TAB2: variants seen among roughly 807,000 people sequenced by gnomAD.
The protein encoded by TAB2 is TGF-beta-activated kinase 1 and MAP3K7-binding protein 2.
A neutral mutation model predicts 65.0 loss-of-function variants in TAB2; 3 were observed. That is an observed-to-expected ratio of 0.05 (90% CI 0.02 to 0.12). The LOEUF (loss-of-function observed/expected upper bound fraction) is 0.12, where lower values mean the gene tolerates loss of function less well. TAB2 is among the 10% of genes least tolerant of loss of function. The pLI, the probability that TAB2 is intolerant of heterozygous loss-of-function variation, is 1.00. For synonymous variants in TAB2, 298 were observed against 285.1 expected (o/e 1.05, Z -0.46); for missense variants, 623 against 840.3 (o/e 0.74, Z 3.20).
At chr6:149,324,857 C>T (rs548144199) in intron 1 of TAB2, among the ~76,000 whole-genome samples, 3 of 137,008 alleles carry the variant, frequency 2.2e-5, no homozygotes, top group Non-Finnish European at 1.5e-5. Context: ...AGTGCAGTGA[C>T]ACAATCATAG....
intron 1 of TAB2, among the ~76,000 whole-genome samples, chr6:149,356,162 G>T (rs1008025517): frequency 3.3e-5 from 5 of 152,024 alleles, no homozygotes; most frequent in Non-Finnish European, 5.9e-5. Flanking sequence ...CTAACTAAAG[G>T]TAATGGTAGT....
At chr6:149,219,306 T>TTGTGTGTGTGTGTGTGTG (rs3064238) in intron 1 of TAB2, among the ~76,000 whole-genome samples, 1 of 146,112 alleles carries the variant, frequency 6.8e-6, no homozygotes, top group African/African-American at 2.5e-5. Flanking sequence ...ATTTTAACAT[T>TTGTGTGTGTGTGTGTGTG]TGTGTGTGTG....
At chr6:149,351,323 G>A (rs1226870295) in intron 1 of TAB2, among the ~76,000 whole-genome samples, 2 of 152,094 alleles carry the variant, frequency 1.3e-5, no homozygotes, top group East Asian at 1.9e-4. Context: ...CTGCAACCAG[G>A]GTAATATGCA....
chr6:149,375,922 C>T (rs1365568082), intron 2 of TAB2, among the ~76,000 whole-genome samples: 4 of 152,046 alleles, frequency 2.6e-5, no homozygotes, highest in Non-Finnish European at 4.4e-5. Context: ...TTTATATTAC[C>T]TGTTGAAACA....
Position 149,403,265 on chromosome 6 carries a change from TATATATATATATATATATAC to T in TAB2, c.1939+4083_1939+4102del, listed in dbSNP as rs1782518570. 2.4e-4 allele frequency among the ~76,000 whole-genome samples: 11 copies of T among 45,014 alleles called. 1 individual carries two copies. Among genetic ancestry groups the T allele is most frequent in the African/African-American group, 1.3e-3 (10 of 7,494 alleles). The allele number at this position is 45,014 out of a possible 152,430, so 29.5% of individuals were successfully genotyped here. On this transcript the variant is annotated intron_variant, in intron 6 of 6. Coordinates refer to ENST00000637181, the MANE Select transcript of TAB2 (RefSeq NM_001292034.3). ...AAAAAAAAATATATATATATATATA[TATATATATATATATATATAC>T]ACACACACACATATATATATATATA...
chr6:149,236,990 C>T (rs970567821), intron 1 of TAB2, among the ~76,000 whole-genome samples: 1 of 152,148 alleles, frequency 6.6e-6, no homozygotes, highest in African/African-American at 2.4e-5. Context: ...TTTATCTTCC[C>T]AACTCTCTTT....
chr6:149,379,644 A>G, intron 3 of TAB2, 126 bp downstream of exon 3: 1 of 858,730 alleles, frequency 1.2e-6, no homozygotes, highest in Non-Finnish European at 1.9e-6. Flanking sequence ...AAATGATGTT[A>G]TTGTAACATT....
At chr6:149,408,065 G>C (rs1782726859) in intron 6 of TAB2, among the ~76,000 whole-genome samples, 1 of 152,138 alleles carries the variant, frequency 6.6e-6, no homozygotes, top group African/African-American at 2.4e-5. Context: ...CAAAATTTTA[G>C]TAAGTAGGAT....
chr6:149,294,318 A>ATGGTC (rs1396816410), intron 1 of TAB2, among the ~76,000 whole-genome samples: 2 of 152,154 alleles, frequency 1.3e-5, no homozygotes, highest in African/African-American at 4.8e-5. Flanking sequence ...GTATCTTCAC[A>ATGGTC]TGGTCTTCCC....
intron 1 of TAB2, among the ~76,000 whole-genome samples, chr6:149,236,001 A>C (rs1388602603): frequency 6.6e-6 from 1 of 152,256 alleles, no homozygotes; most frequent in Admixed American, 6.5e-5. Flanking sequence ...CCAAAAAGTG[A>C]AAAATGACCA....
At chr6:149,320,455 T>C (rs1459849214) in intron 1 of TAB2, among the ~76,000 whole-genome samples, 1 of 152,242 alleles carries the variant, frequency 6.6e-6, no homozygotes, top group African/African-American at 2.4e-5. Flanking sequence ...AAATGTCTTA[T>C]TACATTTGTG....
intron 1 of TAB2, among the ~76,000 whole-genome samples, chr6:149,273,378 A>T (rs1247600336): frequency 6.6e-6 from 1 of 152,184 alleles, no homozygotes; most frequent in East Asian, 1.9e-4. Flanking sequence ...GGCATGGAAC[A>T]AACATTTCAG....
At chr6:149,275,315 A>T (rs892119965) in intron 1 of TAB2, among the ~76,000 whole-genome samples, 1 of 151,976 alleles carries the variant, frequency 6.6e-6, no homozygotes, top group African/African-American at 2.4e-5. Context: ...AAAAGAAAAG[A>T]GCACAATTAT....
chr6:149,264,002 C>T (rs542505146), intron 1 of TAB2, among the ~76,000 whole-genome samples: 6 of 152,184 alleles, frequency 3.9e-5, no homozygotes, highest in African/African-American at 9.7e-5. Context: ...CAAGTGAATG[C>T]GTCTCAGTTT....
chr6:149,331,226 T>C (rs1248257436), intron 1 of TAB2, among the ~76,000 whole-genome samples: 1 of 152,154 alleles, frequency 6.6e-6, no homozygotes, highest in Non-Finnish European at 1.5e-5. Flanking sequence ...TTAATTCTTT[T>C]ATTTCTTTTG....
intron 1 of TAB2, among the ~76,000 whole-genome samples, chr6:149,359,839 A>T (rs1284180649): frequency 6.6e-6 from 1 of 152,208 alleles, no homozygotes; most frequent in Non-Finnish European, 1.5e-5. Context: ...GGTTTTTCAT[A>T]ACAGAAGAGG....
At chr6:149,251,713 T>A (rs974622567) in intron 1 of TAB2, among the ~76,000 whole-genome samples, 1 of 152,138 alleles carries the variant, frequency 6.6e-6, no homozygotes, top group Admixed American at 6.5e-5. Context: ...CCTATACTCA[T>A]CTCATTTATA....
intron 3 of TAB2, among the ~76,000 whole-genome samples, chr6:149,392,995 A>G (rs767310224): frequency 1.3e-5 from 2 of 152,156 alleles, no homozygotes; most frequent in Non-Finnish European, 2.9e-5. Context: ...AGCGATTTTT[A>G]GAAATTCACT....
intron 2 of TAB2, among the ~76,000 whole-genome samples, chr6:149,375,584 G>A (rs1278856021): frequency 6.6e-6 from 1 of 152,084 alleles, no homozygotes; most frequent in Admixed American, 6.5e-5. Flanking sequence ...GATTTGGTAG[G>A]GAATGTAAAT....
Sources: gnomAD v4.1 joint callset for allele counts (sites outside exome capture counted in the v4.1 genomes callset) on GRCh38, gnomAD v4.1.1 for gene constraint, MANE v1.5 for transcripts, NCBI Gene and HGNC (gene_info 2026-07-23, HGNC 2026-07-21) for gene names.